GLB1L3: variants seen among roughly 807,000 people sequenced by gnomAD.
The protein encoded by GLB1L3 is beta-galactosidase-1-like protein 3.
A neutral mutation model predicts 89.5 loss-of-function variants in GLB1L3; 89 were observed. The observed-to-expected ratio is 0.99, with a 90% CI of 0.84 to 1.19. The LOEUF is 1.19. Among genes scored for constraint, GLB1L3 ranks in the 50% most tolerant of loss-of-function variants. The pLI is 0.00. For synonymous variants in GLB1L3, 314 were observed against 312.3 expected (o/e 1.01, Z -0.06); for missense variants, 812 against 813.3 (o/e 1.00, Z 0.02).
At chr11:134,317,683 T>C (rs1323493268) in intron 18 of GLB1L3, among the ~76,000 whole-genome samples, 1 of 152,224 alleles carries the variant, frequency 6.6e-6, no homozygotes, top group East Asian at 1.9e-4. Context: ...TTCAATTTTG[T>C]TAATCATCTT....
At chr11:134,290,981 G>A (rs1191226032) in intron 7 of GLB1L3, among the ~76,000 whole-genome samples, 1 of 151,950 alleles carries the variant, frequency 6.6e-6, no homozygotes, top group South Asian at 2.1e-4. Context: ...ACACTCGACC[G>A]ATTTTAGGGT....
rs1043858710 is a variant in GLB1L3, at chr11:134,319,206, A to C, written c.*264A>C. The C allele has an allele frequency of 5.9e-5, 22 of 375,308 alleles. 1 individual carries two copies. The highest frequency in any genetic ancestry group is 9.7e-6 in the Non-Finnish European group (2 of 205,660). 23.2% of individuals were successfully genotyped at this position (375,308 alleles called of 1,614,324 possible). A position where few individuals can be genotyped will look rare whatever the true frequency, so the allele number is the denominator to read the frequency against. ...CCTGACCTTGTGATCTGCTCTCCTC[A>C]GCCTCCCAAAGTACTGGGATTACAG... is the stretch of plus-strand genomic sequence containing the variant. On this transcript the variant is annotated 3_prime_UTR_variant, in exon 20 of 20. Transcript: ENST00000431683.
chr11:134,321,470 G>T (rs966177883), downstream of GLB1L3, among the ~76,000 whole-genome samples: 3 of 152,110 alleles, frequency 2.0e-5, no homozygotes, highest in African/African-American at 7.2e-5. Context: ...ACATGCACAC[G>T]TATGTTTATT....
intron 7 of GLB1L3, among the ~76,000 whole-genome samples, chr11:134,291,023 G>A (rs1313846408): frequency 1.3e-4 from 20 of 152,078 alleles, no homozygotes; most frequent in Admixed American, 1.3e-3. Context: ...GGCTGAGACC[G>A]AGACAGTGCT....
rs539628005 is a variant in GLB1L3, at chr11:134,276,499, G to C, written c.-242G>C. The C allele has an allele frequency of 8.2e-5, 31 of 376,156 alleles. No homozygotes were observed. Among genetic ancestry groups the C allele is most frequent in the Non-Finnish European group, 1.1e-4 (24 of 212,702 alleles). 23.3% of individuals were successfully genotyped at this position (376,156 alleles called of 1,614,324 possible). A position where few individuals can be genotyped will look rare whatever the true frequency, so the allele number is the denominator to read the frequency against. ...GCGTCCGCGCCCGGACGCACTGCGGGAACACCTGGAGCGCCGGCGGAGCTC... is the reference window on the plus strand; with the variant it reads ...GCGTCCGCGCCCGGACGCACTGCGGCAACACCTGGAGCGCCGGCGGAGCTC... On this transcript the variant is annotated 5_prime_UTR_variant, in exon 1 of 20. Coordinates refer to ENST00000431683, the MANE Select transcript of GLB1L3 (RefSeq NM_001080407.3).
intron 3 of GLB1L3, among the ~76,000 whole-genome samples, chr11:134,280,299 G>C (rs1167252637): frequency 1.3e-5 from 2 of 152,074 alleles, no homozygotes; most frequent in East Asian, 3.8e-4. Flanking sequence ...TCGTGACATA[G>C]TACATGCCAA....
rs941513479 is a variant in GLB1L3, at chr11:134,311,347, C to G, written c.1287+177C>G. On this transcript the variant is annotated intron_variant, in intron 13 of 19. Transcript: ENST00000431683. ...CGGGTGGACTGTGAAGGGGTTTGAC[C>G]TTGGAGTCAGTGTGCAGGGGAGGGG... is the stretch of plus-strand genomic sequence containing the variant. The G allele has an allele frequency of 1.4e-4, 87 of 611,604 alleles. No homozygotes were observed. The African/African-American group carries it at 1.5e-3, about 10-fold the overall frequency. The allele number at this position is 611,604 out of a possible 1,614,324, so 37.9% of individuals were successfully genotyped here.
chr11:134,283,714 G>A (rs772838127), intron 5 of GLB1L3, 23 bp from the exon 6 acceptor site: 9 of 1,463,640 alleles, frequency 6.1e-6, no homozygotes, highest in South Asian at 4.7e-5. Context: ...CTCAGACCCT[G>A]AGCCCGCCCC....
chr11:134,292,677 A>G (rs1280212236), intron 8 of GLB1L3: 1 of 235,054 alleles, frequency 4.3e-6, no homozygotes, highest in Non-Finnish European at 8.3e-6. Flanking sequence ...ATCCTAGAGA[A>G]TTAAGTGGCA....
intron 6 of GLB1L3, among the ~76,000 whole-genome samples, chr11:134,286,894 C>T (rs1305327928): frequency 6.6e-6 from 1 of 151,832 alleles, no homozygotes; most frequent in Non-Finnish European, 1.5e-5. Context: ...GGAGCTGTGG[C>T]TCACACCTGT....
rs1293032658 is a variant in GLB1L3, at chr11:134,313,471, A to G, written c.1576A>G (p.Lys526Glu). ...TTCATGGCAAATACAGAATGAGCAG[A>G]AAGGTGGGCTCTGGCTGTGGCTTCT... The part of the protein sequence containing the change: ...NFSWQIQNEQ[K>E]GITGSVSINN... The change falls in exon 16 of 20, where the codon AAA (lysine) becomes GAA (glutamate). Residue 526 changes from lysine to glutamate, a missense_variant. Lys to Glu is a moderately conservative substitution (Grantham distance 56, BLOSUM62 1). Coordinates refer to ENST00000431683, the MANE Select transcript of GLB1L3 (RefSeq NM_001080407.3). The G allele has an allele frequency of 3.2e-6, 5 of 1,574,990 alleles. No individual in the cohort carries two copies. Among genetic ancestry groups the G allele is most frequent in the Non-Finnish European group, 4.3e-6 (5 of 1,159,838 alleles).
chr11:134,322,325 G>C (rs1943177876), downstream of GLB1L3, among the ~76,000 whole-genome samples: 1 of 152,166 alleles, frequency 6.6e-6, no homozygotes, highest in Admixed American at 6.5e-5. Context: ...AACATTTCCA[G>C]ATCTATATGT....
rs1319231570 is a variant in GLB1L3, at chr11:134,311,155, A to C, written c.1272A>C (p.Leu424=). ...PSLYLPLWDA[L]SYLNEPVRSR... ...TGTACCTCCCGCTGTGGGACGCCCT[A>C]TCCTACTTAAATGAGGTGCGTGCTG... is the stretch of plus-strand genomic sequence containing the variant. Residue 424 remains leucine (L), a synonymous_variant, in exon 13 of 20, where the codon CTA becomes CTC. Coordinates refer to ENST00000431683, the MANE Select transcript of GLB1L3 (RefSeq NM_001080407.3). The C allele has an allele frequency of 1.2e-6, 2 of 1,613,336 alleles. No homozygotes were observed. The highest frequency in any genetic ancestry group is 2.2e-5 in the South Asian group (2 of 91,054).
chr11:134,299,865 C>T (rs1941850814), intron 9 of GLB1L3, among the ~76,000 whole-genome samples: 2 of 152,140 alleles, frequency 1.3e-5, no homozygotes, highest in Admixed American at 1.3e-4. Flanking sequence ...TTCCTCCTTT[C>T]CCAAGGATAG....
chr11:134,317,429 A>C (rs1943032274), intron 18 of GLB1L3, among the ~76,000 whole-genome samples: 1 of 152,198 alleles, frequency 6.6e-6, no homozygotes, highest in Non-Finnish European at 1.5e-5. Flanking sequence ...AATATTTTCC[A>C]ACTTCCTTTG....
At position 134,319,022 on chromosome 11, in the gene GLB1L3, T is replaced by C; in HGVS notation, c.*80T>C. Reference sequence around the variant, plus strand: ...CAGGCTGGAGTGCAGTGGCACAATCTCTGCTCACTGCAAGCTCAGCCTCTC... The same window carrying C: ...CAGGCTGGAGTGCAGTGGCACAATCCCTGCTCACTGCAAGCTCAGCCTCTC... On this transcript the variant is annotated 3_prime_UTR_variant, in exon 20 of 20. Coordinates refer to ENST00000431683, the MANE Select transcript of GLB1L3 (RefSeq NM_001080407.3). The C allele has an allele frequency of 1.0e-6, 1 of 973,736 alleles. No homozygotes were observed. Among genetic ancestry groups the C allele is most frequent in the South Asian group, 1.3e-5 (1 of 75,070 alleles). The allele number at this position is 973,736 out of a possible 1,614,324, so 60.3% of individuals were successfully genotyped here.
Position 134,281,435 on chromosome 11 carries a change from C to G in GLB1L3, c.421C>G (p.Leu141Val). The G allele has an allele frequency of 6.2e-7, 1 of 1,613,486 alleles. No homozygotes were observed. Among genetic ancestry groups the G allele is most frequent in the South Asian group, 1.1e-5 (1 of 91,056 alleles). Residue 141 changes from leucine to valine, a missense_variant, in exon 4 of 20, where the codon CTG becomes GTG. This residue lies in a region of GLB1L3 where 191 missense variants were observed against 191.4 expected (regional missense o/e 1.00). Coordinates refer to ENST00000431683, the MANE Select transcript of GLB1L3 (RefSeq NM_001080407.3). The part of the protein sequence containing the change: ...ERGKFDFSGN[L>V]DLEAFVLMAA... ...AGGCAAATTTGACTTCTCTGGGAAC[C>G]TGGACCTGGAGTATGTGGTGTTGCT...
In GLB1L3 at chr11:134,276,881, C is replaced by A. The variant is rs970741974; in HGVS notation, c.23+118C>A. 8 of 926,978 alleles carry A rather than the reference C, an allele frequency of 8.6e-6. No individual in the cohort carries two copies. The South Asian group carries it at 1.8e-4, about 21-fold the overall frequency. The allele number at this position is 926,978 out of a possible 1,614,324, so 57.4% of individuals were successfully genotyped here. A position where few individuals can be genotyped will look rare whatever the true frequency, so the allele number is the denominator to read the frequency against. On this transcript the variant is annotated intron_variant, in intron 1 of 19. Coordinates refer to ENST00000431683, the MANE Select transcript of GLB1L3 (RefSeq NM_001080407.3). ...GCCCCAGGCACGCGCCGCGCCGGGC[C>A]GCGCCACCAAGCCCGCTGTCCCCAG...
downstream of GLB1L3, among the ~76,000 whole-genome samples, chr11:134,323,610 A>G (rs1943191967): frequency 2.0e-5 from 3 of 152,002 alleles, no homozygotes; most frequent in African/African-American, 2.4e-5. Context: ...TTGTATGTGC[A>G]TTTCAGCTTT....
Sources: gnomAD v4.1 joint callset for allele counts (sites outside exome capture counted in the v4.1 genomes callset) on GRCh38, gnomAD v4.1.1 for gene constraint, gnomAD v4.1.1 regional missense constraint, MANE v1.5 for transcripts, NCBI Gene and HGNC (gene_info 2026-07-23, HGNC 2026-07-21) for gene names.